The following EIF3L variants were observed in gnomAD, a reference collection of about 807,000 sequenced individuals.
EIF3L encodes eukaryotic translation initiation factor 3 subunit L.
A neutral mutation model predicts 74.6 loss-of-function variants in EIF3L; 32 were observed. That is an observed-to-expected ratio of 0.43 (90% CI 0.32 to 0.58). The LOEUF (loss-of-function observed/expected upper bound fraction) is 0.58, where lower values mean the gene tolerates loss of function less well. Among genes scored for constraint, EIF3L ranks in the 20% least tolerant of loss-of-function variants. The pLI is 0.06. For missense variants in EIF3L, 474 were observed against 707.8 expected, an observed-to-expected ratio of 0.67 and a Z score of 3.75; for synonymous variants, 256 against 254.4, an observed-to-expected ratio of 1.01 and a Z score of -0.06.
chr22:37,863,159 G>A, intron 6 of EIF3L, 113 bp from the exon 7 acceptor site: 1 of 1,168,938 alleles, frequency 8.6e-7, no homozygotes, highest in Non-Finnish European at 1.2e-6. Flanking sequence ...GGGAAGAGGG[G>A]AGGTCTTGTG....
intron 10 of EIF3L, chr22:37,876,302 T>TC (rs1926749269): frequency 9.3e-6 from 2 of 214,294 alleles, no homozygotes; most frequent in African/African-American, 4.9e-5. Context: ...CTAATTTTTT[T>TC]TTTTTTTTTT....
At position 37,851,500 on chromosome 22, in the gene EIF3L, A is replaced by G. The variant is rs1443747566; in HGVS notation, c.293+10A>G. On this transcript the variant is annotated intron_variant, in intron 3 of 12. Transcript: ENST00000652021. ...ACATCTATGAGAACAGGTATGGGCT[A>G]CTGGCTGAAAGGGCCTCTTTCTGGG... The G allele has an allele frequency of 1.3e-6, 2 of 1,499,686 alleles. No homozygotes were observed. The highest frequency in any genetic ancestry group is 9.0e-7 in the Non-Finnish European group (1 of 1,108,440). The allele number at this position is 1,499,686 out of a possible 1,614,324, so 92.9% of individuals were successfully genotyped here. A position where few individuals can be genotyped will look rare whatever the true frequency, so the allele number is the denominator to read the frequency against.
chr22:37,853,526 T>C (rs1364964816), intron 3 of EIF3L, among the ~76,000 whole-genome samples: 2 of 152,088 alleles, frequency 1.3e-5, no homozygotes, highest in African/African-American at 4.8e-5. Context: ...TCCCAGCTAG[T>C]TGGGAGGCTG....
chr22:37,873,132 G>A (rs1181381216), intron 8 of EIF3L, among the ~76,000 whole-genome samples: 1 of 149,738 alleles, frequency 6.7e-6, no homozygotes, highest in African/African-American at 2.5e-5. Flanking sequence ...GGGACTGCAG[G>A]TGTGCACCAC....
intron 4 of EIF3L, 133 bp downstream of exon 4, chr22:37,855,777 C>G (rs1317475432): frequency 1.5e-6 from 1 of 651,198 alleles, no homozygotes; most frequent in African/African-American, 1.8e-5. Flanking sequence ...TGTAGTAGGT[C>G]CTTGGCAAAA....
intron 12 of EIF3L, 91 bp from the exon 13 acceptor site, chr22:37,888,335 C>A: frequency 7.2e-7 from 1 of 1,386,656 alleles, no homozygotes; most frequent in Non-Finnish European, 1.0e-6. Context: ...TTCAGAGGGG[C>A]AGCTGGGAAT....
At position 37,870,169 on chromosome 22, in the gene EIF3L, T is replaced by G; in HGVS notation, c.580-7T>G. 6.3e-7 allele frequency: 1 copy of G among 1,587,230 alleles called. No individual in the cohort carries two copies. Among genetic ancestry groups the G allele is most frequent in the South Asian group, 1.1e-5 (1 of 87,350 alleles). ...CACTACTGCATGTTTCTTTTCTTCC[T>G]CAACAGTTTCAGTCATTCAGTCAGT... On this transcript the variant is annotated splice_polypyrimidine_tract_variant and splice_region_variant and intron_variant, in intron 7 of 12. Transcript: ENST00000652021.
At chr22:37,868,333 C>G (rs1310376051) in intron 7 of EIF3L, among the ~76,000 whole-genome samples, 1 of 151,286 alleles carries the variant, frequency 6.6e-6, no homozygotes, top group African/African-American at 2.4e-5. Flanking sequence ...CCATGTTGGC[C>G]AGGCTGGTTT....
In EIF3L at chr22:37,858,869, T is replaced by C. The variant is rs1925688347; in HGVS notation, c.435+129T>C. 4.7e-6 allele frequency: 4 copies of C among 848,828 alleles called. No individual in the cohort carries two copies. In the East Asian group the frequency reaches 9.9e-5, roughly 21 times the overall value. The allele number at this position is 848,828 out of a possible 1,614,324, so 52.6% of individuals were successfully genotyped here. ...TGGGCATGATTGGCATGTTTTTGAG[T>C]TTTAAGAAGCGGTGGAAGGAACAGT... On this transcript the variant is annotated intron_variant, in intron 5 of 12. Coordinates refer to ENST00000652021, the MANE Select transcript of EIF3L (RefSeq NM_016091.4).
intron 3 of EIF3L, among the ~76,000 whole-genome samples, chr22:37,854,681 G>A (rs1340822503): frequency 2.6e-5 from 4 of 152,132 alleles, no homozygotes; most frequent in African/African-American, 7.2e-5. Flanking sequence ...TGGTCAGGCT[G>A]GTCTGGAACT....
At chr22:37,873,450 A>C (rs1926584362) in intron 8 of EIF3L, among the ~76,000 whole-genome samples, 1 of 150,766 alleles carries the variant, frequency 6.6e-6, no homozygotes, top group African/African-American at 2.4e-5. Context: ...GGCGCCCACC[A>C]CCATGCCCGG....
At chr22:37,876,212 C>A in intron 10 of EIF3L, 1 of 541,610 alleles carries the variant, frequency 1.8e-6, no homozygotes, top group East Asian at 3.2e-5. Flanking sequence ...TCACGTCAGC[C>A]TCAACCTCCT....
At chr22:37,861,436 A>C (rs1052586941) in intron 5 of EIF3L, among the ~76,000 whole-genome samples, 4 of 152,248 alleles carry the variant, frequency 2.6e-5, no homozygotes, top group African/African-American at 9.6e-5. Flanking sequence ...CTGTAATCCC[A>C]GAACTTTGAG....
At chr22:37,854,380 A>G (rs1392434347) in intron 3 of EIF3L, among the ~76,000 whole-genome samples, 2 of 152,202 alleles carry the variant, frequency 1.3e-5, no homozygotes, top group East Asian at 3.8e-4. Context: ...GCCAGAGAGC[A>G]GTGGGGTGAG....
rs901750940 is a variant in EIF3L at position 37,855,721 on chromosome 22, G to T, written c.373+77G>T. 3.1e-6 allele frequency: 4 copies of T among 1,274,612 alleles called. No homozygotes were observed. The African/African-American group carries it at 4.4e-5, about 14-fold the overall frequency. The allele number at this position is 1,274,612 out of a possible 1,614,324, so 79.0% of individuals were successfully genotyped here. ...GTCATTAGACAGGAAGCTCAAGAGG[G>T]TCTGTGTCTGTTTTGCTCACCATTT... On this transcript the variant is annotated intron_variant, in intron 4 of 12. Transcript: ENST00000652021.
At chr22:37,866,967 T>C (rs982884880) in intron 7 of EIF3L, among the ~76,000 whole-genome samples, 1 of 152,154 alleles carries the variant, frequency 6.6e-6, no homozygotes, top group Non-Finnish European at 1.5e-5. Flanking sequence ...AATAGTAATA[T>C]ATTGTCCCAC....
At chr22:37,873,758 C>T (rs113670423) in intron 8 of EIF3L, among the ~76,000 whole-genome samples, 3 of 152,026 alleles carry the variant, frequency 2.0e-5, no homozygotes, top group Non-Finnish European at 4.4e-5. Flanking sequence ...ACAACTGATA[C>T]AACAATCTCT....
intron 5 of EIF3L, among the ~76,000 whole-genome samples, 181 bp downstream of exon 5, chr22:37,858,921 C>T (rs1167220311): frequency 6.6e-6 from 1 of 151,920 alleles, no homozygotes; most frequent in Non-Finnish European, 1.5e-5. Flanking sequence ...TTCAGACACA[C>T]TAACGCTATA....
intron 5 of EIF3L, among the ~76,000 whole-genome samples, chr22:37,859,394 T>G (rs5756841): frequency 2.3e-5 from 3 of 128,584 alleles, no homozygotes; most frequent in Non-Finnish European, 5.0e-5. Context: ...TTTTTTTTTT[T>G]TGAGAGAGAG....
Sources: allele counts gnomAD v4.1 joint callset (sites outside exome capture counted in the v4.1 genomes callset), GRCh38; gene constraint gnomAD v4.1.1; transcripts MANE v1.5; gene names NCBI Gene and HGNC (gene_info 2026-07-23, HGNC 2026-07-21).